Variants in ARHGAP26 observed in about 807,000 individuals in gnomAD.
ARHGAP26 encodes the protein Rho GTPase activating protein 26.
A neutral mutation model predicts 104.8 loss-of-function variants in ARHGAP26; 38 were observed. That is an observed-to-expected ratio of 0.36 (90% CI 0.28 to 0.48). ARHGAP26 has a LOEUF of 0.48. Among genes scored for constraint, ARHGAP26 ranks in the 20% least tolerant of loss-of-function variants. The pLI is 0.99. For synonymous variants in ARHGAP26, 341 were observed against 340.0 expected, an observed-to-expected ratio of 1.00 and a Z score of -0.03; for missense variants, 704 against 947.9, an observed-to-expected ratio of 0.74 and a Z score of 3.38.
At chr5:143,050,102 A>G (rs1014536529) in intron 14 of ARHGAP26, among the ~76,000 whole-genome samples, 3 of 152,170 alleles carry the variant, frequency 2.0e-5, no homozygotes. Context: ...GGCTTGGGCT[A>G]TGTTGTTGGT....
chr5:143,080,143 T>C (rs569797864), intron 17 of ARHGAP26, among the ~76,000 whole-genome samples: 6 of 152,290 alleles, frequency 3.9e-5, no homozygotes, highest in Admixed American at 1.3e-4. Context: ...CTTTCACTTA[T>C]TCATTCTTCA....
chr5:143,130,157 A>G (rs1013033297), intron 18 of ARHGAP26, among the ~76,000 whole-genome samples: 2 of 152,210 alleles, frequency 1.3e-5, no homozygotes, highest in African/African-American at 4.8e-5. Flanking sequence ...GCAGAGGCCA[A>G]ACCATCCCTG....
chr5:143,014,442 TACA>T, intron 12 of ARHGAP26: 1 of 320,260 alleles, frequency 3.1e-6, no homozygotes, highest in Non-Finnish European at 5.8e-6. Context: ...AGTTACTTAA[TACA>T]ACAATACTCA....
intron 12 of ARHGAP26, among the ~76,000 whole-genome samples, chr5:143,025,439 TTC>T (rs1307685019): frequency 1.3e-5 from 2 of 152,192 alleles, no homozygotes; most frequent in Non-Finnish European, 2.9e-5. Context: ...AGGCAGTTGG[TTC>T]TCTGTTTGAA....
intron 14 of ARHGAP26, among the ~76,000 whole-genome samples, chr5:143,047,132 C>A (rs1784350995): frequency 6.6e-6 from 1 of 152,162 alleles, no homozygotes; most frequent in Middle Eastern, 3.2e-3. Flanking sequence ...GTCCCCTGTT[C>A]TTGGATACAT....
intron 22 of ARHGAP26, among the ~76,000 whole-genome samples, chr5:143,214,973 A>T (rs1263416475): frequency 1.3e-5 from 2 of 152,132 alleles, no homozygotes; most frequent in African/African-American, 2.4e-5. Context: ...CAGCCCAGCC[A>T]CCTCTCCTGT....
chr5:143,097,957 AG>A (rs1792654367), intron 17 of ARHGAP26, among the ~76,000 whole-genome samples: 1 of 152,106 alleles, frequency 6.6e-6, no homozygotes, highest in Non-Finnish European at 1.5e-5. Flanking sequence ...AAAAGTCTGG[AG>A]GTTTTTTTAA....
Position 143,012,550 on chromosome 5 carries a change from TAC to T in ARHGAP26, c.1108-1528_1108-1527del, listed in dbSNP as rs199778557. ...GGAGGGATATATTTATATACATACATACATATATATATATATATATATATATT... is the reference window on the plus strand; with the variant it reads ...GGAGGGATATATTTATATACATACATATATATATATATATATATATATATT... On this transcript the variant is annotated intron_variant, in intron 11 of 22. Coordinates refer to ENST00000645722, the MANE Select transcript of ARHGAP26 (RefSeq NM_001135608.3). Among the ~76,000 whole-genome samples, 186 of 59,986 alleles carry T rather than the reference TAC, an allele frequency of 3.1e-3. 19 individuals carry two copies. The highest frequency in any genetic ancestry group is 5.5e-3 in the African/African-American group (116 of 21,150). 39.4% of individuals were successfully genotyped at this position (59,986 alleles called of 152,430 possible). A position where few individuals can be genotyped will look rare whatever the true frequency, so the allele number is the denominator to read the frequency against.
At chr5:142,891,863 G>A (rs182331231) in intron 5 of ARHGAP26, among the ~76,000 whole-genome samples, 1 of 152,058 alleles carries the variant, frequency 6.6e-6, no homozygotes, top group African/African-American at 2.4e-5. Context: ...TATGCTTTCA[G>A]TGTAATTATC....
intron 18 of ARHGAP26, among the ~76,000 whole-genome samples, chr5:143,125,655 A>C (rs1562471879): frequency 6.6e-6 from 1 of 152,238 alleles, no homozygotes; most frequent in East Asian, 1.9e-4. Context: ...TTCTTTTTCC[A>C]TGTTGGTAAT....
At chr5:142,887,254 G>C (rs1442324499) in intron 5 of ARHGAP26, among the ~76,000 whole-genome samples, 1 of 152,100 alleles carries the variant, frequency 6.6e-6, no homozygotes, top group Admixed American at 6.5e-5. Context: ...GTAGGGACCA[G>C]AACGCTGGGC....
chr5:143,216,318 C>T, intron 22 of ARHGAP26: 1 of 470,844 alleles, frequency 2.1e-6, no homozygotes, highest in South Asian at 1.5e-5. Flanking sequence ...GCCATAACCC[C>T]CTCTTTACAG....
chr5:142,921,381 T>C (rs1016403489), intron 10 of ARHGAP26: 4 of 163,610 alleles, frequency 2.4e-5, no homozygotes, highest in Non-Finnish European at 5.9e-5. Flanking sequence ...TTATTTTTTA[T>C]GGTGACGTAA....
At chr5:142,867,597 G>A (rs576701706) in intron 1 of ARHGAP26, among the ~76,000 whole-genome samples, 1 of 152,230 alleles carries the variant, frequency 6.6e-6, no homozygotes, top group East Asian at 1.9e-4. Flanking sequence ...GCAACCTGGG[G>A]CTTGTGCTGG....
chr5:143,132,861 T>TAA (rs11339754), intron 18 of ARHGAP26, among the ~76,000 whole-genome samples: 24 of 134,574 alleles, frequency 1.8e-4, no homozygotes, highest in Middle Eastern at 3.5e-3. Context: ...GAATCTGGGG[T>TAA]AAAAAAAAAA....
At chr5:142,943,124 T>A (rs1766621052) in intron 11 of ARHGAP26, among the ~76,000 whole-genome samples, 13 of 149,902 alleles carry the variant, frequency 8.7e-5, no homozygotes, top group Admixed American at 8.6e-4. Context: ...TGTTGTTTTT[T>A]TGTTTGTCTT....
chr5:143,219,155 G>T (rs978710317), intron 22 of ARHGAP26, among the ~76,000 whole-genome samples: 5 of 152,206 alleles, frequency 3.3e-5, no homozygotes, highest in African/African-American at 1.2e-4. Flanking sequence ...TTGGTCTCTG[G>T]AGTCAAACAA....
chr5:142,858,270 A>T (rs1169484004), intron 1 of ARHGAP26, among the ~76,000 whole-genome samples: 1 of 152,248 alleles, frequency 6.6e-6, no homozygotes, highest in African/African-American at 2.4e-5. Flanking sequence ...AGATACACAC[A>T]TGCAAATTCT....
intron 18 of ARHGAP26, among the ~76,000 whole-genome samples, chr5:143,132,363 C>A (rs1254028523): frequency 6.6e-6 from 1 of 151,126 alleles, no homozygotes; most frequent in Non-Finnish European, 1.5e-5. Context: ...TCTAGGGCCA[C>A]TCATGGGTGA....
Sources: gnomAD v4.1 joint callset for allele counts (sites outside exome capture counted in the v4.1 genomes callset) on GRCh38, gnomAD v4.1.1 for gene constraint, MANE v1.5 for transcripts, NCBI Gene and HGNC (gene_info 2026-07-23, HGNC 2026-07-21) for gene names.